TCERG1L: variants seen among roughly 807,000 people sequenced by gnomAD.
TCERG1L encodes transcription elongation regulator 1-like protein.
Under a neutral mutation model 56.3 loss-of-function variants are expected in TCERG1L, and 37 were observed. The ratio of observed to expected loss-of-function variants is 0.66; its 90% CI spans 0.51 to 0.87. The LOEUF (loss-of-function observed/expected upper bound fraction) is 0.87, where lower values mean the gene tolerates loss of function less well. Ranked by LOEUF, TCERG1L falls within the 40% of genes least tolerant of loss-of-function variation. The pLI, the probability that TCERG1L is intolerant of heterozygous loss-of-function variation, is 0.00. For missense variants in TCERG1L, 799 were observed against 774.2 expected (o/e 1.03, Z -0.38); for synonymous variants, 324 against 326.3 (o/e 0.99, Z 0.08).
chr10:131,122,262 C>T (rs987325994), intron 8 of TCERG1L, among the ~76,000 whole-genome samples: 5 of 152,206 alleles, frequency 3.3e-5, no homozygotes, highest in Admixed American at 3.3e-4. Context: ...CACCATACCA[C>T]ACCTCAGCTG....
intron 9 of TCERG1L, among the ~76,000 whole-genome samples, chr10:131,106,231 T>C (rs944377344): frequency 1.1e-4 from 16 of 152,212 alleles, no homozygotes; most frequent in Non-Finnish European, 2.2e-4. Flanking sequence ...GTGTTGAGGA[T>C]CTTGAGAAAA....
rs560412579 is a variant in TCERG1L, at chr10:131,121,082, C to G, written c.1260-4148G>C. The stretch of plus-strand genomic sequence containing the variant: ...TGGTTGGTGTTCCCGCTAACACAAT[C>G]ATTTGAGAGACTCTGCAGAAACAGC... On this transcript the variant is annotated intron_variant, in intron 8 of 11. Coordinates refer to ENST00000368642, the MANE Select transcript of TCERG1L (RefSeq NM_174937.4). 7.2e-5 allele frequency among the ~76,000 whole-genome samples: 11 copies of G among 152,342 alleles called. No homozygotes were observed. In the East Asian group the frequency reaches 1.9e-3, roughly 27 times the overall value.
At chr10:131,120,295 C>T (rs1845500057) in intron 8 of TCERG1L, among the ~76,000 whole-genome samples, 1 of 152,160 alleles carries the variant, frequency 6.6e-6, no homozygotes. Context: ...AAATCCAAGA[C>T]CCAGTGGAGC....
chr10:131,180,837 T>TAAAAA (rs60303602), intron 4 of TCERG1L, among the ~76,000 whole-genome samples: 126 of 150,366 alleles, frequency 8.4e-4, no homozygotes, highest in Middle Eastern at 3.4e-3. Context: ...AACGTTTTTG[T>TAAAAA]AAAAAAAAAG....
In TCERG1L at chr10:131,309,207, AG is replaced by A. The variant is rs747864595; in HGVS notation, c.434del (p.Ala145ValfsTer11). 4 of 1,611,106 alleles carry A rather than the reference AG, an allele frequency of 2.5e-6. No homozygotes were observed. The highest frequency in any genetic ancestry group is 3.4e-6 in the Non-Finnish European group (4 of 1,178,928). The stretch of plus-strand genomic sequence containing the variant: ...AACTTTTCCCAATAGGGGTTGCAAG[AG>A]CAGAAGGGCAGAGATGTGGGAAGAC... ...VPVFPHLCPSALATPIGKSWI... is the reference protein window; with the variant it reads ...VPVFPHLCPSXLATPIGKSWI... On this transcript the variant is annotated frameshift_variant, in exon 2 of 12. Transcript: ENST00000368642. LOFTEE classifies it high-confidence loss of function.
At chr10:131,275,723 A>G (rs1186195597) in intron 3 of TCERG1L, among the ~76,000 whole-genome samples, 1 of 152,184 alleles carries the variant, frequency 6.6e-6, no homozygotes, top group Non-Finnish European at 1.5e-5. Context: ...CTACTGAAAT[A>G]AAAAAATTAA....
chr10:131,250,046 G>A (rs1398899508), intron 4 of TCERG1L, among the ~76,000 whole-genome samples: 1 of 152,202 alleles, frequency 6.6e-6, no homozygotes, highest in South Asian at 2.1e-4. Context: ...AAAGCCACAC[G>A]ATTTGAGTCA....
chr10:131,148,267 A>C (rs935488958), intron 6 of TCERG1L, among the ~76,000 whole-genome samples: 3 of 152,214 alleles, frequency 2.0e-5, no homozygotes, highest in African/African-American at 7.2e-5. Context: ...AGTGAGGAAG[A>C]GATAGGAAGA....
At chr10:131,158,676 C>A (rs967949975) in intron 6 of TCERG1L, among the ~76,000 whole-genome samples, 14 of 152,206 alleles carry the variant, frequency 9.2e-5, no homozygotes, top group African/African-American at 3.4e-4. Flanking sequence ...GAGGTCTACA[C>A]TTACGTAGAC....
intron 10 of TCERG1L, among the ~76,000 whole-genome samples, chr10:131,098,987 C>T (rs938601846): frequency 6.6e-6 from 1 of 152,160 alleles, no homozygotes; most frequent in Non-Finnish European, 1.5e-5. Context: ...TGAACCTGGG[C>T]GTCTGGTGCC....
intron 4 of TCERG1L, among the ~76,000 whole-genome samples, chr10:131,208,087 T>G (rs1180028334): frequency 6.6e-6 from 1 of 151,820 alleles, no homozygotes; most frequent in Non-Finnish European, 1.5e-5. Context: ...CTATCCCACA[T>G]GAGGACCCCA....
chr10:131,152,204 C>T (rs964175214), intron 6 of TCERG1L, among the ~76,000 whole-genome samples: 2 of 152,160 alleles, frequency 1.3e-5, no homozygotes, highest in African/African-American at 2.4e-5. Flanking sequence ...TTTTCTATCG[C>T]GTGGTCAAGC....
Position 131,167,009 on chromosome 10 carries a change from C to T in TCERG1L, c.857-124G>A, listed in dbSNP as rs535678419. On this transcript the variant is annotated intron_variant, in intron 4 of 11. Transcript: ENST00000368642. ...TGGTCAGTAGACACTGTGCATTCCA[C>T]AGAAAGGTGGCATTGCCCTGTCCTT... is the stretch of plus-strand genomic sequence containing the variant. 4.6e-5 allele frequency: 36 copies of T among 785,808 alleles called. No homozygotes were observed. In the Admixed American group the frequency reaches 5.1e-4, roughly 11 times the overall value. The allele number at this position is 785,808 out of a possible 1,614,324, so 48.7% of individuals were successfully genotyped here.
intron 5 of TCERG1L, among the ~76,000 whole-genome samples, chr10:131,165,373 G>A (rs1390992926): frequency 6.6e-6 from 1 of 152,136 alleles, no homozygotes; most frequent in Admixed American, 6.5e-5. Context: ...CTTTACGTAT[G>A]TTCATCCTGA....
At chr10:131,281,861 G>A (rs1451746907) in intron 3 of TCERG1L, among the ~76,000 whole-genome samples, 1 of 152,174 alleles carries the variant, frequency 6.6e-6, no homozygotes, top group African/African-American at 2.4e-5. Context: ...TTCTGGCCGG[G>A]CGCGGTGGCT....
At chr10:131,117,474 G>A (rs1481945578) in intron 8 of TCERG1L, among the ~76,000 whole-genome samples, 1 of 152,254 alleles carries the variant, frequency 6.6e-6, no homozygotes, top group East Asian at 1.9e-4. Context: ...TGACAAAGAA[G>A]GAGGCTGGGA....
At chr10:131,205,190 C>T (rs1845504792) in intron 4 of TCERG1L, among the ~76,000 whole-genome samples, 1 of 152,150 alleles carries the variant, frequency 6.6e-6, no homozygotes, top group Admixed American at 6.5e-5. Flanking sequence ...TTAATGCTCG[C>T]AATTCATCCT....
At chr10:131,247,710 A>C (rs949102505) in intron 4 of TCERG1L, among the ~76,000 whole-genome samples, 1 of 152,180 alleles carries the variant, frequency 6.6e-6, no homozygotes, top group African/African-American at 2.4e-5. Flanking sequence ...TCCATCCTTG[A>C]TCAATTCACA....
chr10:131,221,429 T>A (rs189589653), intron 4 of TCERG1L, among the ~76,000 whole-genome samples: 2 of 152,290 alleles, frequency 1.3e-5, no homozygotes, highest in East Asian at 3.9e-4. Flanking sequence ...AGACCCCACC[T>A]AGGGTGACAG....
Sources: allele counts gnomAD v4.1 joint callset (sites outside exome capture counted in the v4.1 genomes callset), GRCh38; gene constraint gnomAD v4.1.1; transcripts MANE v1.5; gene names NCBI Gene and HGNC (gene_info 2026-07-23, HGNC 2026-07-21).